OVCH1: variants seen among roughly 807,000 people sequenced by gnomAD.
OVCH1 encodes ovochymase 1.
In OVCH1, 139 loss-of-function variants were observed where a neutral mutation model predicts 138.4. That is an observed-to-expected ratio of 1.00 (90% CI 0.87 to 1.16). The LOEUF (loss-of-function observed/expected upper bound fraction) is 1.16. Ranked by LOEUF, OVCH1 falls within the 50% of genes most tolerant of loss-of-function variation. OVCH1 has a pLI of 0.00. For synonymous variants in OVCH1, 453 were observed against 467.8 expected (o/e 0.97, Z 0.41); for missense variants, 1,367 against 1,357.9 (o/e 1.01, Z -0.11).
exon 23 of OVCH1, chr12:29,445,293 C>A (rs1288925868): frequency 6.2e-7 from 1 of 1,611,100 alleles, no homozygotes; most frequent in Non-Finnish European, 8.5e-7. Flanking sequence ...ACTTTCAAGA[C>A]AATATAGCTT....
At chr12:29,496,557 T>C in exon 2 of OVCH1, 1 of 1,592,600 alleles carries the variant, frequency 6.3e-7, no homozygotes, top group Non-Finnish European at 8.6e-7. Flanking sequence ...TGCACTGACC[T>C]GCCATGGATG....
chr12:29,417,409 G>C (rs1941043685), intron 3 of OVCH1, among the ~76,000 whole-genome samples: 1 of 128,164 alleles, frequency 7.8e-6, no homozygotes, highest in Non-Finnish European at 1.6e-5. Flanking sequence ...GTTGCAGTGA[G>C]CCAAGATTGT....
At position 29,477,091 on chromosome 12, in the gene OVCH1, C is replaced by CA. The variant is rs149535391; in HGVS notation, c.1377+10dup. Reference sequence around the variant, plus strand: ...TTCTTTATGAGGTAGAGCGATTCCTCAGTTGCCTACCTTTATAATGTGCTT... The same window carrying CA: ...TTCTTTATGAGGTAGAGCGATTCCTCAAGTTGCCTACCTTTATAATGTGCTT... On this transcript the variant is annotated intron_variant, in intron 12 of 27. Coordinates refer to ENST00000318184, the Ensembl canonical transcript of OVCH1. 77 of 1,589,218 alleles carry CA rather than the reference C, an allele frequency of 4.8e-5. No individual in the cohort carries two copies. In the African/African-American group the frequency reaches 9.8e-4, roughly 20 times the overall value.
intron 19 of OVCH1, among the ~76,000 whole-genome samples, chr12:29,460,930 G>T (rs957097813): frequency 1.3e-4 from 20 of 152,210 alleles, no homozygotes; most frequent in Non-Finnish European, 2.6e-4. Flanking sequence ...AGGCGTTAAT[G>T]ACAATAAACT....
intron 19 of OVCH1, among the ~76,000 whole-genome samples, chr12:29,460,057 C>T (rs1002727584): frequency 6.6e-6 from 1 of 152,144 alleles, no homozygotes; most frequent in African/African-American, 2.4e-5. Flanking sequence ...AGAAAGCTAG[C>T]CATATTTATT....
intron 27 of OVCH1, among the ~76,000 whole-genome samples, chr12:29,433,411 G>A (rs958710585): frequency 4.6e-5 from 7 of 152,052 alleles, no homozygotes; most frequent in Non-Finnish European, 8.8e-5. Flanking sequence ...TTCACCTTCC[G>A]CCATGATTAT....
downstream of OVCH1, among the ~76,000 whole-genome samples, chr12:29,409,040 A>G (rs12322654): frequency 6.7e-3 from 1,011 of 151,828 alleles, 17 homozygotes; most frequent in African/African-American, 0.021. Flanking sequence ...GTCTTGGGAG[A>G]GTGTATGTGT....
intron 16 of OVCH1, among the ~76,000 whole-genome samples, chr12:29,466,919 T>G (rs143894316): frequency 2.0e-5 from 3 of 152,308 alleles, no homozygotes; most frequent in African/African-American, 7.2e-5. Flanking sequence ...GTTACTCAAA[T>G]TATTTTTCAA....
intron 4 of OVCH1, among the ~76,000 whole-genome samples, chr12:29,491,457 T>C (rs989041125): frequency 1.1e-4 from 17 of 152,234 alleles, no homozygotes; most frequent in Non-Finnish European, 2.5e-4. Context: ...TTTTAGACTA[T>C]GCCTGTGTTT....
intron 22 of OVCH1, among the ~76,000 whole-genome samples, chr12:29,445,803 A>C (rs184480362): frequency 1.1e-3 from 172 of 152,166 alleles, no homozygotes; most frequent in African/African-American, 3.9e-3. Context: ...ATTTCCCTAT[A>C]GTCAGTTTTT....
chr12:29,416,216 CT>C, intron 3 of OVCH1, among the ~76,000 whole-genome samples: 1 of 151,880 alleles, frequency 6.6e-6, no homozygotes, highest in Admixed American at 6.6e-5. Flanking sequence ...GGCTATAGAA[CT>C]TTTAGGAAGA....
At chr12:29,435,483 C>G (rs1168177688) in intron 26 of OVCH1, among the ~76,000 whole-genome samples, 3 of 152,224 alleles carry the variant, frequency 2.0e-5, no homozygotes, top group Middle Eastern at 3.4e-3. Flanking sequence ...TCTCCTGCCT[C>G]AGCCTCCCGA....
At chr12:29,425,354 G>A (rs560083597), downstream of OVCH1, among the ~76,000 whole-genome samples, 2 of 152,292 alleles carry the variant, frequency 1.3e-5, no homozygotes, top group South Asian at 2.1e-4. Context: ...CAGGCTCCTA[G>A]ATTATTAAGT....
intron 3 of OVCH1, chr12:29,412,768 A>T (rs1052005896): frequency 6.6e-6 from 1 of 152,226 alleles, no homozygotes; most frequent in South Asian, 2.1e-4. Flanking sequence ...ATATCATTTA[A>T]TCTATAGGAT....
At chr12:29,427,934 G>T (rs1048354902) in intron 27 of OVCH1, among the ~76,000 whole-genome samples, 2 of 152,152 alleles carry the variant, frequency 1.3e-5, no homozygotes, top group African/African-American at 4.8e-5. Context: ...CTGAAATTTT[G>T]ATTAATCTGA....
At chr12:29,424,469 A>C (rs1193502982), downstream of OVCH1, among the ~76,000 whole-genome samples, 3 of 152,212 alleles carry the variant, frequency 2.0e-5, no homozygotes, top group Non-Finnish European at 4.4e-5. Context: ...TCCCAACAGG[A>C]AACTGTTACT....
chr12:29,485,737 C>T (rs1469152510), intron 8 of OVCH1, among the ~76,000 whole-genome samples: 1 of 151,966 alleles, frequency 6.6e-6, no homozygotes, highest in East Asian at 1.9e-4. Flanking sequence ...GATTGTGCCA[C>T]TGCACTCCAG....
At position 29,444,230 on chromosome 12, in the gene OVCH1, GCTCT is replaced by G; in HGVS notation, c.2928_2931del (p.Arg976SerfsTer11). ...AGAACATCCTCACAAGGGACCAAGTGCTCTCTGTTTGAACTTTGGGAAAGTCTGG... is the reference window on the plus strand; with the variant it reads ...AGAACATCCTCACAAGGGACCAAGTGCTGTTTGAACTTTGGGAAAGTCTGG... On this transcript the variant is annotated frameshift_variant, in exon 24 of 28. Coordinates refer to ENST00000318184, the Ensembl canonical transcript of OVCH1. LOFTEE classifies it high-confidence loss of function. 1.2e-6 allele frequency: 2 copies of G among 1,612,200 alleles called. No homozygotes were observed.
intron 4 of OVCH1, among the ~76,000 whole-genome samples, chr12:29,493,329 G>A (rs947850003): frequency 6.6e-6 from 1 of 151,974 alleles, no homozygotes; most frequent in African/African-American, 2.4e-5. Flanking sequence ...ATTCTTTTGG[G>A]ATCCATTCTT....
Sources: gnomAD v4.1 joint callset for allele counts (sites outside exome capture counted in the v4.1 genomes callset) on GRCh38, gnomAD v4.1.1 for gene constraint, MANE v1.5 for transcripts, NCBI Gene and HGNC (gene_info 2026-07-23, HGNC 2026-07-21) for gene names.